TADA2B: variants seen among roughly 807,000 people sequenced by gnomAD.
TADA2B encodes the protein transcriptional adaptor 2B.
In TADA2B, 13 loss-of-function variants were observed where a neutral mutation model predicts 34.5. That is an observed-to-expected ratio of 0.38 (90% CI 0.25 to 0.60). TADA2B has a LOEUF of 0.60. Ranked by LOEUF, TADA2B falls within the 20% of genes least tolerant of loss-of-function variation. The probability of loss-of-function intolerance (pLI) is 0.65; values close to 1 mark genes in which losing one functional copy is unlikely to be tolerated. For synonymous variants in TADA2B, 240 were observed against 243.4 expected (o/e 0.99, Z 0.13); for missense variants, 442 against 575.0 (o/e 0.77, Z 2.37).
rs142337609 is a variant in TADA2B at position 7,052,668 on chromosome 4, C to T, written c.271-1394C>T. On this transcript the variant is annotated intron_variant, in intron 1 of 1. Coordinates refer to ENST00000310074, the MANE Select transcript of TADA2B (RefSeq NM_152293.3). Reference sequence around the variant, plus strand: ...CACACAGAGTGGCAGTAGCTGCCGGCAATAGTTGTGACTTGGTGTTGTGTT... The same window carrying T: ...CACACAGAGTGGCAGTAGCTGCCGGTAATAGTTGTGACTTGGTGTTGTGTT... Among the ~76,000 whole-genome samples the T allele has an allele frequency of 2.7e-3, 415 of 152,284 alleles. 6 individuals are homozygous for T. Among genetic ancestry groups the T allele is most frequent in the African/African-American group, 9.6e-3 (400 of 41,554 alleles).
intron 1 of TADA2B, among the ~76,000 whole-genome samples, chr4:7,051,470 G>A (rs564778389): frequency 1.2e-4 from 19 of 152,298 alleles, no homozygotes; most frequent in African/African-American, 4.1e-4. Flanking sequence ...TAGACCCCAC[G>A]AGGCACACTA....
Position 7,054,676 on chromosome 4 carries a change from G to C in TADA2B, c.885G>C (p.Arg295=). The change falls in exon 2 of 2, where the codon CGG becomes CGC. Residue 295 remains arginine, a synonymous_variant. Coordinates refer to ENST00000310074, the MANE Select transcript of TADA2B (RefSeq NM_152293.3). The part of the protein sequence containing the change: ...RAKIRELQRY[R]RNGITKMEES... Reference sequence around the variant, plus strand: ...AGATCCGAGAACTGCAGCGGTACCGGCGAAACGGGATCACCAAGATGGAAG... The same window carrying C: ...AGATCCGAGAACTGCAGCGGTACCGCCGAAACGGGATCACCAAGATGGAAG... 1 of 1,613,932 alleles carries C rather than the reference G, an allele frequency of 6.2e-7. No individual in the cohort carries two copies. Among genetic ancestry groups the C allele is most frequent in the Non-Finnish European group, 8.5e-7 (1 of 1,179,898 alleles).
chr4:7,054,340 G>T lies in TADA2B; in HGVS notation c.549G>T (p.Thr183=). ...TCGAGTATGACCAGGATGCCGAGAC[G>T]CTCATCAGCGGGCTCTCTGTCAACT... ...YEIEYDQDAE[T]LISGLSVNYD... The change falls in exon 2 of 2, where the codon ACG becomes ACT. Residue 183 remains threonine, a synonymous_variant. Transcript: ENST00000310074. The T allele has an allele frequency of 6.2e-7, 1 of 1,613,450 alleles. No homozygotes were observed. Among genetic ancestry groups the T allele is most frequent in the Non-Finnish European group, 8.5e-7 (1 of 1,179,892 alleles).
rs936142729 is a variant in TADA2B, at chr4:7,056,277, C to G, written c.*1223C>G. ...TGCCTACAAGTTTTTCTCTGGGGTC[C>G]TCTTTCAAGGATGTCCACGGTACCT... On this transcript the variant is annotated 3_prime_UTR_variant, in exon 2 of 2. Transcript: ENST00000310074. 4 of 152,676 alleles carry G rather than the reference C, an allele frequency of 2.6e-5. No homozygotes were observed. Among genetic ancestry groups the G allele is most frequent in the Admixed American group, 2.0e-4 (3 of 15,282 alleles). The allele number at this position is 152,676 out of a possible 1,614,324, so 9.5% of individuals were successfully genotyped here. A position where few individuals can be genotyped will look rare whatever the true frequency, so the allele number is the denominator to read the frequency against.
At chr4:7,047,510 A>G (rs1723658723) in intron 1 of TADA2B, among the ~76,000 whole-genome samples, 1 of 152,232 alleles carries the variant, frequency 6.6e-6, no homozygotes, top group African/African-American at 2.4e-5. Context: ...AAGGCCAGAC[A>G]CATCGATGGT....
intron 1 of TADA2B, among the ~76,000 whole-genome samples, chr4:7,050,088 C>T (rs1043069615): frequency 2.0e-5 from 3 of 152,258 alleles, no homozygotes; most frequent in African/African-American, 4.8e-5. Flanking sequence ...CACGCTTCTG[C>T]GGAGTGGCCA....
chr4:7,055,064 G>T lies in TADA2B; in HGVS notation c.*10G>T. The T allele has an allele frequency of 6.3e-7, 1 of 1,597,074 alleles. No individual in the cohort carries two copies. Among genetic ancestry groups the T allele is most frequent in the South Asian group, 1.1e-5 (1 of 88,766 alleles). On this transcript the variant is annotated 3_prime_UTR_variant, in exon 2 of 2. Coordinates refer to ENST00000310074, the MANE Select transcript of TADA2B (RefSeq NM_152293.3). ...CAGGGACGCGTCTTGAAGCTGAGACGCTTTGAAAGCCAGGGTGATGCTCAG... is the reference window on the plus strand; with the variant it reads ...CAGGGACGCGTCTTGAAGCTGAGACTCTTTGAAAGCCAGGGTGATGCTCAG...
chr4:7,050,033 G>A (rs1055965054), intron 1 of TADA2B, among the ~76,000 whole-genome samples: 27 of 152,268 alleles, frequency 1.8e-4, no homozygotes, highest in Admixed American at 1.5e-3. Context: ...GAGCTCCTAA[G>A]AGGGGCTGGT....
In TADA2B at chr4:7,043,456, C is replaced by T. The variant is rs900533359; in HGVS notation, c.-124C>T. On this transcript the variant is annotated 5_prime_UTR_variant, in exon 1 of 2. Transcript: ENST00000310074. ...GGGCTGGGGCCGCGGTGGCGGCAGC[C>T]GCGGCGGCGGGCGGCGGTTGCTCGT... 25 of 393,526 alleles carry T rather than the reference C, an allele frequency of 6.4e-5. No individual in the cohort carries two copies. Among genetic ancestry groups the T allele is most frequent in the Admixed American group, 6.1e-4 (9 of 14,764 alleles). 24.4% of individuals were successfully genotyped at this position (393,526 alleles called of 1,614,324 possible). A position where few individuals can be genotyped will look rare whatever the true frequency, so the allele number is the denominator to read the frequency against.
chr4:7,044,046 C>T (rs1259552797), intron 1 of TADA2B, among the ~76,000 whole-genome samples, 197 bp downstream of exon 1: 2 of 152,272 alleles, frequency 1.3e-5, no homozygotes, highest in African/African-American at 4.8e-5. Flanking sequence ...CTGTGACGCG[C>T]CCAAGGTCAC....
chr4:7,047,476 T>C (rs1387513649), intron 1 of TADA2B, among the ~76,000 whole-genome samples: 1 of 152,236 alleles, frequency 6.6e-6, no homozygotes, highest in African/African-American at 2.4e-5. Context: ...TTTGAGATGA[T>C]GGTGGACACC....
rs1723603437 is a variant in TADA2B at position 7,045,435 on chromosome 4, G to C, written c.270+1586G>C. Among the ~76,000 whole-genome samples the C allele has an allele frequency of 5.3e-5, 8 of 152,284 alleles. No homozygotes were observed. In the South Asian group the frequency reaches 1.4e-3, roughly 28 times the overall value. ...ATTCCACACACCATAACCGGAGCGA[G>C]CTTTGGAAGCACAAAGCGCCTCACA... On this transcript the variant is annotated intron_variant, in intron 1 of 1. Coordinates refer to ENST00000310074, the MANE Select transcript of TADA2B (RefSeq NM_152293.3).
Position 7,054,637 on chromosome 4 carries a change from A to G in TADA2B, c.846A>G (p.Lys282=). The G allele has an allele frequency of 6.2e-7, 1 of 1,613,884 alleles. No homozygotes were observed. Among genetic ancestry groups the G allele is most frequent in the Non-Finnish European group, 8.5e-7 (1 of 1,179,882 alleles). The part of the protein sequence containing the change: ...DDLFENMHKE[K]MLRAKIRELQ... ...TTTTTGAAAACATGCACAAAGAAAA[A>G]ATGCTCCGGGCCAAGATCCGAGAAC... The change falls in exon 2 of 2, where the codon AAA becomes AAG. Residue 282 remains lysine (K), a synonymous_variant. Transcript: ENST00000310074.
intron 1 of TADA2B, among the ~76,000 whole-genome samples, chr4:7,052,077 G>C (rs921618029): frequency 6.6e-6 from 1 of 152,224 alleles, no homozygotes; most frequent in Admixed American, 6.5e-5. Context: ...CCAGCCTCAC[G>C]TGCCTGGGAA....
chr4:7,051,684 A>G (rs1393656520), intron 1 of TADA2B, among the ~76,000 whole-genome samples: 5 of 148,104 alleles, frequency 3.4e-5, no homozygotes, highest in Non-Finnish European at 7.4e-5. Flanking sequence ...TGCAAGCTCC[A>G]CCTCCCGGGT....
In TADA2B at chr4:7,054,618, A is replaced by T; in HGVS notation, c.827A>T (p.Glu276Val). ...TGCAAGGAGTTTGATGACCTTTTTG[A>T]AAACATGCACAAAGAAAAAATGCTC... ...MSCKEFDDLF[E>V]NMHKEKMLRA... Residue 276 changes from glutamate to valine, a missense_variant, in exon 2 of 2, where the codon GAA becomes GTA. Physicochemically the swap from Glu to Val is moderately radical, Grantham distance 121 (BLOSUM62 -2). Around this residue, in one of 4 missense-constraint regions of TADA2B, gnomAD observed 222 missense variants for 235.2 expected, o/e 0.94. Transcript: ENST00000310074. 1 of 1,613,934 alleles carries T rather than the reference A, an allele frequency of 6.2e-7. No individual in the cohort carries two copies. The highest frequency in any genetic ancestry group is 2.2e-5 in the East Asian group (1 of 44,886).
chr4:7,054,537 C>T lies in TADA2B; in HGVS notation c.746C>T (p.Thr249Ile). The change falls in exon 2 of 2, where the codon ACC (threonine) becomes ATC (isoleucine). Residue 249 changes from threonine to isoleucine, a missense_variant. Coordinates refer to ENST00000310074, the MANE Select transcript of TADA2B (RefSeq NM_152293.3). ...EKEKALKRKITKEEKELRLKL... is the reference protein window; with the variant it reads ...EKEKALKRKIIKEEKELRLKL... ...GAAAAGGCGCTGAAGCGCAAGATCA[C>T]CAAGGAGGAGAAGGAGCTGCGCCTG... 1 of 1,613,812 alleles carries T rather than the reference C, an allele frequency of 6.2e-7. No homozygotes were observed. The highest frequency in any genetic ancestry group is 8.5e-7 in the Non-Finnish European group (1 of 1,179,908).
intron 1 of TADA2B, chr4:7,044,906 A>T (rs1330444764): frequency 6.6e-6 from 1 of 151,962 alleles, no homozygotes; most frequent in Non-Finnish European, 1.5e-5. Flanking sequence ...CGCCTCACAT[A>T]CTCATTCTGA....
intron 1 of TADA2B, among the ~76,000 whole-genome samples, chr4:7,048,482 C>A (rs1055122378): frequency 6.6e-6 from 1 of 152,074 alleles, no homozygotes; most frequent in Non-Finnish European, 1.5e-5. Context: ...ATGCGGCCGC[C>A]GTGGGACCCC....
Sources: gnomAD v4.1 joint callset for allele counts (sites outside exome capture counted in the v4.1 genomes callset) on GRCh38, gnomAD v4.1.1 for gene constraint, gnomAD v4.1.1 regional missense constraint, MANE v1.5 for transcripts, NCBI Gene and HGNC (gene_info 2026-07-23, HGNC 2026-07-21) for gene names.